The following RCAN2 variants were observed in gnomAD, a reference collection of about 807,000 sequenced individuals.
RCAN2 encodes regulator of calcineurin 2.
RCAN2 carries 9 observed loss-of-function variants against 23.6 expected under a neutral mutation model. The observed-to-expected ratio is 0.38, with a 90% CI of 0.23 to 0.67. The LOEUF is 0.67. Ranked by LOEUF, RCAN2 falls within the 30% of genes least tolerant of loss-of-function variation. The pLI is 0.51. For synonymous variants in RCAN2, 109 were observed against 115.7 expected, an observed-to-expected ratio of 0.94 and a Z score of 0.37; for missense variants, 273 against 302.3, an observed-to-expected ratio of 0.90 and a Z score of 0.72.
At chr6:46,475,830 C>A (rs146497454) in intron 1 of RCAN2, among the ~76,000 whole-genome samples, 1 of 152,258 alleles carries the variant, frequency 6.6e-6, no homozygotes, top group East Asian at 1.9e-4. Context: ...CAAAACAAAG[C>A]AAATTGAACA....
chr6:46,360,101 T>G (rs1349310389), intron 2 of RCAN2, among the ~76,000 whole-genome samples: 2 of 152,150 alleles, frequency 1.3e-5, no homozygotes, highest in Non-Finnish European at 2.9e-5. Context: ...CAGGGGATCT[T>G]GTTAAAATGA....
At chr6:46,426,180 T>C (rs972310540) in intron 2 of RCAN2, among the ~76,000 whole-genome samples, 1 of 152,096 alleles carries the variant, frequency 6.6e-6, no homozygotes, top group African/African-American at 2.4e-5. Context: ...ATTACAGGCA[T>C]GAGCCACCAT....
intron 2 of RCAN2, among the ~76,000 whole-genome samples, chr6:46,451,908 T>G (rs1184926869): frequency 6.6e-6 from 1 of 152,206 alleles, no homozygotes; most frequent in African/African-American, 2.4e-5. Context: ...TTTAAAGAAC[T>G]GTGTATGTTC....
intron 4 of RCAN2, among the ~76,000 whole-genome samples, chr6:46,242,651 T>G (rs1185984195): frequency 6.6e-6 from 1 of 152,220 alleles, no homozygotes; most frequent in Non-Finnish European, 1.5e-5. Context: ...TTCTTTAACA[T>G]GCAATTAGTT....
intron 2 of RCAN2, among the ~76,000 whole-genome samples, chr6:46,264,216 A>G (rs1767239715): frequency 6.6e-6 from 1 of 152,244 alleles, no homozygotes; most frequent in Non-Finnish European, 1.5e-5. Context: ...ATGTTAAATT[A>G]AAGGGCTAAA....
At chr6:46,365,808 G>T (rs909878336) in intron 2 of RCAN2, among the ~76,000 whole-genome samples, 1 of 152,088 alleles carries the variant, frequency 6.6e-6, no homozygotes, top group African/African-American at 2.4e-5. Context: ...ACAATTAATT[G>T]ACTATAGTTT....
rs116328417 is a variant in RCAN2 at position 46,443,362 on chromosome 6, A to T, written c.225+13390T>A. Among the ~76,000 whole-genome samples the T allele has an allele frequency of 7.2e-3, 1,095 of 152,244 alleles. 11 individuals are homozygous for T. The highest frequency in any genetic ancestry group is 0.025 in the African/African-American group (1,046 of 41,542). ...TCTTCATATTTAGTCTTTGTTACAG[A>T]TCCCTAGCGTGAATTTTCCAACCAG... On this transcript the variant is annotated intron_variant, in intron 2 of 4. Coordinates refer to ENST00000371374, the MANE Select transcript of RCAN2 (RefSeq NM_001251974.2).
At position 46,461,814 on chromosome 6, in the gene RCAN2, G is replaced by A. The variant is rs186784454; in HGVS notation, c.-2-4836C>T. 4.9e-3 allele frequency among the ~76,000 whole-genome samples: 740 copies of A among 152,114 alleles called. 7 individuals carry two copies. The highest frequency in any genetic ancestry group is 8.5e-3 in the South Asian group (41 of 4,808). ...TTGGTCAGCCTGATCTCGAACTCCCGACCTCAGGTGATCCGCCTGCCTCAG... is the reference window on the plus strand; with the variant it reads ...TTGGTCAGCCTGATCTCGAACTCCCAACCTCAGGTGATCCGCCTGCCTCAG... On this transcript the variant is annotated intron_variant, in intron 1 of 4. Transcript: ENST00000371374.
At chr6:46,480,664 C>T (rs1454325238) in intron 1 of RCAN2, among the ~76,000 whole-genome samples, 2 of 151,366 alleles carry the variant, frequency 1.3e-5, no homozygotes, top group African/African-American at 4.8e-5. Flanking sequence ...TTCGATCTGT[C>T]ACCCAGGCTG....
chr6:46,308,563 C>G (rs779539888), intron 2 of RCAN2, among the ~76,000 whole-genome samples: 1 of 152,028 alleles, frequency 6.6e-6, no homozygotes, highest in Non-Finnish European at 1.5e-5. Flanking sequence ...AGGGGAAGAA[C>G]AGTTGGATGA....
chr6:46,321,750 T>C (rs1315918815), intron 2 of RCAN2, among the ~76,000 whole-genome samples: 1 of 152,248 alleles, frequency 6.6e-6, no homozygotes, highest in African/African-American at 2.4e-5. Flanking sequence ...GCATTTGCTG[T>C]TGGCTCAGAA....
chr6:46,318,474 C>T (rs773675615), intron 2 of RCAN2, among the ~76,000 whole-genome samples: 9 of 152,114 alleles, frequency 5.9e-5, no homozygotes, highest in Non-Finnish European at 1.0e-4. Flanking sequence ...AGGATGTGGA[C>T]ACTGCTATGG....
intron 1 of RCAN2, among the ~76,000 whole-genome samples, chr6:46,487,267 C>G (rs1393584365): frequency 6.6e-6 from 1 of 152,184 alleles, no homozygotes; most frequent in Non-Finnish European, 1.5e-5. Context: ...TTCTTTATCT[C>G]TAAGAAGGTA....
intron 2 of RCAN2, among the ~76,000 whole-genome samples, chr6:46,389,569 C>T (rs1197466141): frequency 1.3e-5 from 2 of 152,216 alleles, no homozygotes; most frequent in Admixed American, 1.3e-4. Context: ...GTCATCTCTG[C>T]ACTCCCAGTA....
intron 2 of RCAN2, among the ~76,000 whole-genome samples, chr6:46,347,138 GT>G (rs1764512261): frequency 6.6e-6 from 1 of 152,180 alleles, no homozygotes; most frequent in Admixed American, 6.5e-5. Flanking sequence ...GCCTCCCAAA[GT>G]GCTGGGATTA....
intron 1 of RCAN2, among the ~76,000 whole-genome samples, 177 bp from the exon 2 acceptor site, chr6:46,457,155 C>T (rs1768061800): frequency 6.6e-6 from 1 of 152,152 alleles, no homozygotes; most frequent in Non-Finnish European, 1.5e-5. Flanking sequence ...ATCCCTGAAC[C>T]AGAATTTCCC....
intron 2 of RCAN2, among the ~76,000 whole-genome samples, chr6:46,336,283 A>G (rs1260640373): frequency 6.6e-6 from 1 of 152,254 alleles, no homozygotes; most frequent in Non-Finnish European, 1.5e-5. Flanking sequence ...TAGAAATATA[A>G]GAGAACTCAG....
At chr6:46,423,445 T>G (rs1369974413) in intron 2 of RCAN2, among the ~76,000 whole-genome samples, 1 of 152,204 alleles carries the variant, frequency 6.6e-6, no homozygotes, top group East Asian at 1.9e-4. Context: ...ACCAAGCTAT[T>G]TCTCCTCCTT....
At chr6:46,443,990 C>T (rs1454455210) in intron 2 of RCAN2, among the ~76,000 whole-genome samples, 1 of 152,160 alleles carries the variant, frequency 6.6e-6, no homozygotes, top group Non-Finnish European at 1.5e-5. Flanking sequence ...AATTTGGTCA[C>T]CGTTTAAGAA....
Sources: gnomAD v4.1 joint callset for allele counts (sites outside exome capture counted in the v4.1 genomes callset) on GRCh38, gnomAD v4.1.1 for gene constraint, MANE v1.5 for transcripts, NCBI Gene and HGNC (gene_info 2026-07-23, HGNC 2026-07-21) for gene names.